Variants in RELN observed in about 807,000 individuals in gnomAD.
RELN encodes the protein reelin.
A neutral mutation model predicts 427.6 loss-of-function variants in RELN; 108 were observed. The ratio of observed to expected loss-of-function variants is 0.25; its 90% CI spans 0.22 to 0.30. RELN has a LOEUF of 0.30. Ranked by LOEUF, RELN falls within the 10% of genes least tolerant of loss-of-function variation. The probability of loss-of-function intolerance (pLI) is 1.00; values close to 1 mark genes in which losing one functional copy is unlikely to be tolerated. For synonymous variants in RELN, 1,524 were observed against 1,513.4 expected (o/e 1.01, Z -0.16); for missense variants, 3,715 against 4,302.8 (o/e 0.86, Z 3.82).
At chr7:103,720,892 G>A (rs1790059779) in intron 8 of RELN, among the ~76,000 whole-genome samples, 1 of 152,062 alleles carries the variant, frequency 6.6e-6, no homozygotes, top group African/African-American at 2.4e-5. Context: ...TTTCTGGAAA[G>A]TTCTGCCCGC....
intron 3 of RELN, among the ~76,000 whole-genome samples, chr7:103,822,320 A>C (rs1793035045): frequency 6.6e-6 from 1 of 152,042 alleles, no homozygotes; most frequent in Admixed American, 6.6e-5. Context: ...AAACTCTAGC[A>C]AGTTTAAACC....
intron 24 of RELN, among the ~76,000 whole-genome samples, chr7:103,599,314 T>C (rs1831611002): frequency 6.6e-6 from 1 of 152,140 alleles, no homozygotes; most frequent in African/African-American, 2.4e-5. Context: ...CCATGTATTA[T>C]AAAAACAAAA....
At chr7:103,803,400 CAG>C (rs2116317825) in intron 3 of RELN, among the ~76,000 whole-genome samples, 1 of 152,116 alleles carries the variant, frequency 6.6e-6, no homozygotes, top group East Asian at 1.9e-4. Context: ...TTAATATACT[CAG>C]TGTTCTTTCC....
chr7:103,947,762 G>T (rs532568915), intron 1 of RELN, among the ~76,000 whole-genome samples: 47 of 152,218 alleles, frequency 3.1e-4, no homozygotes, highest in African/African-American at 1.1e-3. Context: ...ATATTTCCCA[G>T]TGCAGCTGCA....
rs768153340 is a variant in RELN, at chr7:103,566,357, G to A, written c.4803C>T (p.Ser1601=). The part of the protein sequence containing the change: ...LDDVLIGMND[S]SQTGFQDKFD... ...ATTTGTCTTGAAATCCAGTTTGAGA[G>A]CTGTCATTCATTCCTATAAGAACAT... The change falls in exon 33 of 65, where the codon AGC becomes AGT. Residue 1601 remains serine (S), a synonymous_variant. Coordinates refer to ENST00000428762, the MANE Select transcript of RELN (RefSeq NM_005045.4). The A allele has an allele frequency of 2.5e-6, 4 of 1,614,068 alleles. No individual in the cohort carries two copies. Among genetic ancestry groups the A allele is most frequent in the South Asian group, 2.2e-5 (2 of 91,080 alleles).
intron 50 of RELN, among the ~76,000 whole-genome samples, chr7:103,514,922 A>C (rs1454645210): frequency 6.6e-6 from 1 of 152,196 alleles, no homozygotes; most frequent in Non-Finnish European, 1.5e-5. Flanking sequence ...AAACACTGAA[A>C]ATTTTCTAAG....
chr7:103,759,664 C>T (rs535390240), intron 4 of RELN, among the ~76,000 whole-genome samples: 10 of 152,088 alleles, frequency 6.6e-5, no homozygotes, highest in Admixed American at 3.9e-4. Flanking sequence ...GCCTTCATCG[C>T]GGTATGAGAA....
chr7:103,965,658 A>G (rs1042271675), intron 1 of RELN, among the ~76,000 whole-genome samples: 1 of 152,206 alleles, frequency 6.6e-6, no homozygotes. Context: ...TGGCAATAAT[A>G]ACACATTTAT....
intron 3 of RELN, among the ~76,000 whole-genome samples, chr7:103,806,338 T>C (rs1792599442): frequency 6.6e-6 from 1 of 152,126 alleles, no homozygotes; most frequent in Admixed American, 6.6e-5. Context: ...TTTTTTCTTT[T>C]TTTTTAGACA....
rs573961907 is a variant in RELN at position 103,899,560 on chromosome 7, C to T, written c.337+17515G>A. ...AATCCTCTATAAAATACTAGCAAAC[C>T]GAATCCAGCAGCACATCAAAAAGCT... On this transcript the variant is annotated intron_variant, in intron 2 of 64. Transcript: ENST00000428762. 1.9e-3 allele frequency among the ~76,000 whole-genome samples: 295 copies of T among 152,148 alleles called. 4 individuals are homozygous for T. Among genetic ancestry groups the T allele is most frequent in the Non-Finnish European group, 1.3e-3 (86 of 67,994 alleles).
At chr7:103,702,786 T>C (rs777233518) in intron 8 of RELN, among the ~76,000 whole-genome samples, 10 of 152,196 alleles carry the variant, frequency 6.6e-5, no homozygotes, top group Non-Finnish European at 1.2e-4. Flanking sequence ...GCAATAGTGA[T>C]TAGTCAGTCT....
intron 2 of RELN, among the ~76,000 whole-genome samples, chr7:103,863,403 T>C (rs80046924): frequency 0.026 from 3,962 of 152,268 alleles, 76 homozygotes; most frequent in Non-Finnish European, 0.04. Flanking sequence ...CATGAAGTGA[T>C]TTGTCCAAGG....
rs750302211 is a variant in RELN, at chr7:103,744,175, AT to A, written c.656+5250del. On this transcript the variant is annotated intron_variant, in intron 6 of 64. Transcript: ENST00000428762. ...CTCCTGAATGACTACTGGGTAAATA[AT>A]GAAATGAAGGCAGAAATAAAGATGT... 2.7e-3 allele frequency among the ~76,000 whole-genome samples: 417 copies of A among 152,332 alleles called. 2 individuals carry two copies. The highest frequency in any genetic ancestry group is 9.9e-3 in the South Asian group (48 of 4,830).
intron 9 of RELN, 132 bp from the exon 10 acceptor site, chr7:103,698,225 T>C: frequency 9.1e-7 from 1 of 1,102,690 alleles, no homozygotes; most frequent in Non-Finnish European, 1.4e-6. Flanking sequence ...ATAGCTACAA[T>C]CTCATAGCCC....
Position 103,640,990 on chromosome 7 carries a change from C to T in RELN, c.2003-381G>A, listed in dbSNP as rs1832683869. Reference sequence around the variant, plus strand: ...GATATATCACAATATGGAGAAGTCACCCCATAATTTTCATTTCTATCAGGG... The same window carrying T: ...GATATATCACAATATGGAGAAGTCATCCCATAATTTTCATTTCTATCAGGG... On this transcript the variant is annotated intron_variant, in intron 16 of 64. Transcript: ENST00000428762. This position sits in a 1 kb window ranked among gnomAD's most constrained non-coding sequence, Gnocchi z 4.1. Among the ~76,000 whole-genome samples the T allele has an allele frequency of 6.6e-6, 1 of 152,042 alleles. No homozygotes were observed.
intron 24 of RELN, among the ~76,000 whole-genome samples, chr7:103,601,221 C>G (rs531400579): frequency 2.6e-4 from 26 of 101,708 alleles, no homozygotes; most frequent in African/African-American, 1.2e-3. Flanking sequence ...AGGACCACAA[C>G]CTTTCCATTT....
chr7:103,981,855 AG>A (rs1346330720), intron 1 of RELN, among the ~76,000 whole-genome samples: 1 of 152,230 alleles, frequency 6.6e-6, no homozygotes, highest in Admixed American at 6.5e-5. Context: ...ATTCTTTATC[AG>A]TTTTATCAAG....
Position 103,603,253 on chromosome 7 carries a change from C to T in RELN, c.3333+51G>A. On this transcript the variant is annotated intron_variant, in intron 24 of 64. Transcript: ENST00000428762. The surrounding 1 kb of genome is among the most constrained non-coding windows in gnomAD (Gnocchi z 4.3). The stretch of plus-strand genomic sequence containing the variant: ...TTTGTACATTTGGAATTCAGAGTCT[C>T]ATATTAAACTAGCCATTGCCCCGAT... 2 of 1,397,666 alleles carry T rather than the reference C, an allele frequency of 1.4e-6. No individual in the cohort carries two copies. Among genetic ancestry groups the T allele is most frequent in the Non-Finnish European group, 2.0e-6 (2 of 982,896 alleles). The allele number at this position is 1,397,666 out of a possible 1,614,324, so 86.6% of individuals were successfully genotyped here. A position where few individuals can be genotyped will look rare whatever the true frequency, so the allele number is the denominator to read the frequency against.
intron 16 of RELN, among the ~76,000 whole-genome samples, chr7:103,645,965 T>C (rs891549363): frequency 1.3e-5 from 2 of 151,710 alleles, no homozygotes; most frequent in African/African-American, 4.8e-5. Flanking sequence ...AAACTAGAAA[T>C]TAATTCTAAG....
Sources: gnomAD v4.1 joint callset for allele counts (sites outside exome capture counted in the v4.1 genomes callset) on GRCh38, gnomAD v4.1.1 for gene constraint, Gnocchi (gnomAD v3.1) non-coding constraint, MANE v1.5 for transcripts, NCBI Gene and HGNC (gene_info 2026-07-23, HGNC 2026-07-21) for gene names.